The following CACNA1E variants were observed in gnomAD, a reference collection of about 807,000 sequenced individuals.
CACNA1E encodes voltage-dependent R-type calcium channel subunit alpha-1E.
In CACNA1E, 40 loss-of-function variants were observed where a neutral mutation model predicts 259.2. The observed-to-expected ratio is 0.15, with a 90% CI of 0.12 to 0.20. CACNA1E has a LOEUF of 0.20. Ranked by LOEUF, CACNA1E falls within the 10% of genes least tolerant of loss-of-function variation. CACNA1E has a pLI of 1.00. For synonymous variants in CACNA1E, 1,104 were observed against 1,138.5 expected, an observed-to-expected ratio of 0.97 and a Z score of 0.61; for missense variants, 1,874 against 3,040.1, an observed-to-expected ratio of 0.62 and a Z score of 9.02.
intron 3 of CACNA1E, among the ~76,000 whole-genome samples, chr1:181,566,214 G>T (rs1649809878): frequency 6.6e-6 from 1 of 152,114 alleles, no homozygotes; most frequent in Non-Finnish European, 1.5e-5. Flanking sequence ...TCCAAATTTG[G>T]AATCTAAATT....
chr1:181,672,304 T>C (rs1648892050), intron 7 of CACNA1E, among the ~76,000 whole-genome samples: 1 of 152,138 alleles, frequency 6.6e-6, no homozygotes, highest in Non-Finnish European at 1.5e-5. Context: ...AATACCTGGG[T>C]GATGAAATAA....
intron 1 of CACNA1E, among the ~76,000 whole-genome samples, chr1:181,396,553 C>G (rs1656693015): frequency 6.6e-6 from 1 of 152,020 alleles, no homozygotes; most frequent in Non-Finnish European, 1.5e-5. Flanking sequence ...CAAAGGAGAA[C>G]AAAGAAATCA....
intron 43 of CACNA1E, 118 bp from the exon 44 acceptor site, chr1:181,790,327 T>G: frequency 1.9e-6 from 1 of 519,948 alleles, no homozygotes; most frequent in Non-Finnish European, 3.5e-6. Context: ...ACTAGCCACA[T>G]GTAAGTTACT....
At chr1:181,746,686 C>A (rs1195302892) in intron 25 of CACNA1E, among the ~76,000 whole-genome samples, 1 of 152,096 alleles carries the variant, frequency 6.6e-6, no homozygotes, top group Admixed American at 6.5e-5. Flanking sequence ...TTCCTAGGAA[C>A]CCTCATAGAC....
chr1:181,723,936 A>T (rs55733152), intron 16 of CACNA1E, among the ~76,000 whole-genome samples: 4,693 of 152,240 alleles, frequency 0.031, 208 homozygotes, highest in African/African-American at 0.11. Context: ...TCTTCATTAC[A>T]TAGGCATGAT....
intron 43 of CACNA1E, among the ~76,000 whole-genome samples, chr1:181,787,549 G>A (rs1173964739): frequency 6.6e-6 from 1 of 152,134 alleles, no homozygotes; most frequent in Non-Finnish European, 1.5e-5. Context: ...TTTACTCATT[G>A]ATTTTTACCA....
intron 7 of CACNA1E, among the ~76,000 whole-genome samples, chr1:181,688,338 G>C (rs988972266): frequency 6.6e-6 from 1 of 152,058 alleles, no homozygotes; most frequent in African/African-American, 2.4e-5. Flanking sequence ...CTTCACTTTC[G>C]CTGCTGAGCA....
intron 1 of CACNA1E, among the ~76,000 whole-genome samples, chr1:181,369,778 G>A (rs2101950948): frequency 6.6e-6 from 1 of 152,300 alleles, no homozygotes; most frequent in Middle Eastern, 3.4e-3. Flanking sequence ...ACCCTTGGTA[G>A]GAAATTCGAC....
At chr1:181,344,127 A>T (rs756782925) in intron 1 of CACNA1E, among the ~76,000 whole-genome samples, 2 of 151,882 alleles carry the variant, frequency 1.3e-5, no homozygotes, top group Non-Finnish European at 1.5e-5. Context: ...GCTAGCAGTC[A>T]CCCCACTGCT....
chr1:181,388,651 G>A (rs1656030586), intron 1 of CACNA1E, among the ~76,000 whole-genome samples: 1 of 152,186 alleles, frequency 6.6e-6, no homozygotes, highest in Non-Finnish European at 1.5e-5. Context: ...AACTTTGGGA[G>A]GTTGAGGCGG....
At chr1:181,474,806 G>A (rs945278860) in intron 2 of CACNA1E, among the ~76,000 whole-genome samples, 3 of 152,000 alleles carry the variant, frequency 2.0e-5, no homozygotes, top group Non-Finnish European at 2.9e-5. Context: ...TTTCAACTCC[G>A]TTTCTAAGAG....
At position 181,806,751 on chromosome 1, in the gene CACNA1E, A is replaced by C. The variant is rs1349317473; in HGVS notation, c.*7917A>C. On this transcript the variant is annotated 3_prime_UTR_variant, in exon 48 of 48. Transcript: ENST00000367573. The stretch of plus-strand genomic sequence containing the variant: ...AACTTTAATGTTTTGGGGGGGATAA[A>C]AGAAAAGAATAAATAAAACCTTGTT... The C allele has an allele frequency of 6.6e-6, 1 of 152,200 alleles. No homozygotes were observed. Among genetic ancestry groups the C allele is most frequent in the Non-Finnish European group, 1.5e-5 (1 of 68,036 alleles). The allele number at this position is 152,200 out of a possible 1,614,324, so 9.4% of individuals were successfully genotyped here. A position where few individuals can be genotyped will look rare whatever the true frequency, so the allele number is the denominator to read the frequency against.
chr1:181,446,995 T>C (rs891846353), intron 2 of CACNA1E, among the ~76,000 whole-genome samples: 20 of 152,202 alleles, frequency 1.3e-4, no homozygotes, highest in African/African-American at 4.6e-4. Context: ...GCTTGTAATA[T>C]TATCCTTCAC....
chr1:181,481,831 A>AT (rs112307667), upstream of CACNA1E, among the ~76,000 whole-genome samples: 1,088 of 140,650 alleles, frequency 7.7e-3, 6 homozygotes, highest in African/African-American at 0.016. Flanking sequence ...TACCAATTCT[A>AT]TTTTTTTTTT....
At chr1:181,766,413 C>G (rs530037559) in intron 34 of CACNA1E, 133 bp from the exon 35 acceptor site, 1 of 674,992 alleles carries the variant, frequency 1.5e-6, no homozygotes, top group South Asian at 1.8e-5. Context: ...CAGAACAACC[C>G]CAGGGAATAG....
chr1:181,564,480 C>T (rs988285600), intron 3 of CACNA1E, among the ~76,000 whole-genome samples: 2 of 152,196 alleles, frequency 1.3e-5, no homozygotes, highest in African/African-American at 4.8e-5. Flanking sequence ...TTCTAGTTCT[C>T]TTGCTATTCT....
At chr1:181,562,573 G>C (rs1203371886) in intron 3 of CACNA1E, among the ~76,000 whole-genome samples, 3 of 152,098 alleles carry the variant, frequency 2.0e-5, no homozygotes, top group Non-Finnish European at 4.4e-5. Context: ...ATCTTAACTT[G>C]GTCTTAGCCT....
At chr1:181,595,894 T>C (rs2103041858) in intron 6 of CACNA1E, among the ~76,000 whole-genome samples, 1 of 152,082 alleles carries the variant, frequency 6.6e-6, no homozygotes, top group Admixed American at 6.5e-5. Context: ...CCACAGAGAG[T>C]AATTGCCAGT....
intron 7 of CACNA1E, among the ~76,000 whole-genome samples, chr1:181,660,867 A>T (rs1338553604): frequency 6.6e-6 from 1 of 152,226 alleles, no homozygotes; most frequent in East Asian, 1.9e-4. Context: ...TAGAAAGTCA[A>T]TGACTGACTC....
Sources: allele counts gnomAD v4.1 joint callset (sites outside exome capture counted in the v4.1 genomes callset), GRCh38; gene constraint gnomAD v4.1.1; transcripts MANE v1.5; gene names NCBI Gene and HGNC (gene_info 2026-07-23, HGNC 2026-07-21).